Variants in AGAP1 observed in about 807,000 individuals in gnomAD.
The protein encoded by AGAP1 is arf-GAP with GTPase, ANK repeat and PH domain-containing protein 1.
Under a neutral mutation model 105.3 loss-of-function variants are expected in AGAP1, and 29 were observed. That is an observed-to-expected ratio of 0.28 (90% CI 0.21 to 0.38). AGAP1 has a LOEUF of 0.38. Ranked by LOEUF, AGAP1 falls within the 10% of genes least tolerant of loss-of-function variation. The pLI, the probability that AGAP1 is intolerant of heterozygous loss-of-function variation, is 1.00. For missense variants in AGAP1, 998 were observed against 1,165.1 expected, an observed-to-expected ratio of 0.86 and a Z score of 2.09; for synonymous variants, 509 against 485.9, an observed-to-expected ratio of 1.05 and a Z score of -0.63.
chr2:235,636,598 A>T (rs1575012516), intron 1 of AGAP1, among the ~76,000 whole-genome samples: 1 of 151,814 alleles, frequency 6.6e-6, no homozygotes, highest in Non-Finnish European at 1.5e-5. Context: ...TCACTTCTGG[A>T]CCCTCCACAT....
rs191154586 is a variant in AGAP1 at position 235,725,475 on chromosome 2, G to A, written c.310+7831G>A. Among the ~76,000 whole-genome samples, 2 of 151,352 alleles carry A rather than the reference G, an allele frequency of 1.3e-5. No homozygotes were observed. The highest frequency in any genetic ancestry group is 4.9e-5 in the African/African-American group (2 of 41,168). On this transcript the variant is annotated intron_variant, in intron 3 of 17. Coordinates refer to ENST00000304032, the MANE Select transcript of AGAP1 (RefSeq NM_001037131.3). The surrounding 1 kb of genome is among the most constrained non-coding windows in gnomAD (Gnocchi z 5.7). ...CCAGATGTTAGAGTTTATTTCTAAA[G>A]CTGTTCTTGGGTGCTGTTTAATGTT... is the stretch of plus-strand genomic sequence containing the variant.
intron 13 of AGAP1, among the ~76,000 whole-genome samples, chr2:236,034,513 T>C (rs2057320811): frequency 6.6e-6 from 1 of 151,972 alleles, no homozygotes; most frequent in East Asian, 1.9e-4. Flanking sequence ...GGGATAAAAT[T>C]CCTGAGCAAC....
intron 1 of AGAP1, among the ~76,000 whole-genome samples, chr2:235,676,052 A>G (rs182224494): frequency 6.6e-6 from 1 of 152,328 alleles, no homozygotes; most frequent in Admixed American, 6.5e-5. Flanking sequence ...TAATGCATTA[A>G]CAAACATATA....
In AGAP1 at chr2:235,989,292, A is replaced by G. The variant is rs1329816382; in HGVS notation, c.1645+20669A>G. 6.6e-6 allele frequency among the ~76,000 whole-genome samples: 1 copy of G among 152,200 alleles called. No homozygotes were observed. The highest frequency in any genetic ancestry group is 2.4e-5 in the African/African-American group (1 of 41,468). On this transcript the variant is annotated intron_variant, in intron 13 of 17. Coordinates refer to ENST00000304032, the MANE Select transcript of AGAP1 (RefSeq NM_001037131.3). This position sits in a 1 kb window ranked among gnomAD's most constrained non-coding sequence, Gnocchi z 4.4. ...GTCGCTGCTGCGTGTGGCTTCACCC[A>G]GCTCCTCTGCCCATCTGGTGACTTT... is the stretch of plus-strand genomic sequence containing the variant.
In AGAP1 at chr2:236,089,380, G is replaced by GAAA. The variant is rs1356040049; in HGVS notation, c.2115-30811_2115-30810insAAA. Among the ~76,000 whole-genome samples, 1 of 152,228 alleles carries GAAA rather than the reference G, an allele frequency of 6.6e-6. No individual in the cohort carries two copies. ...TGCCTCTCAGTCTCCCAGTTGCAAA[G>GAAA]ATGCCATCCCAGGTCAAGCTGAGGT... is the stretch of plus-strand genomic sequence containing the variant. On this transcript the variant is annotated intron_variant, in intron 16 of 17. Coordinates refer to ENST00000304032, the MANE Select transcript of AGAP1 (RefSeq NM_001037131.3). This position sits in a 1 kb window ranked among gnomAD's most constrained non-coding sequence, Gnocchi z 5.6.
At chr2:236,107,277 C>A (rs962285721) in intron 16 of AGAP1, among the ~76,000 whole-genome samples, 1 of 152,212 alleles carries the variant, frequency 6.6e-6, no homozygotes, top group Admixed American at 6.5e-5. Flanking sequence ...GGTCCCTCCT[C>A]CTCTGTGCTG....
intron 1 of AGAP1, among the ~76,000 whole-genome samples, chr2:235,668,518 G>C (rs965456286): frequency 1.5e-4 from 23 of 152,358 alleles, no homozygotes; most frequent in African/African-American, 5.3e-4. Flanking sequence ...TAGGCCTGGA[G>C]AAGGTCGTGT....
chr2:235,700,107 C>G lies in AGAP1; in HGVS notation c.164-9072C>G, dbSNP rs73124457. Reference sequence around the variant, plus strand: ...TGCTTGCAACAAAACTTGTTATCACCTTGGTTTATAACAGTGAGATGGAAA... The same window carrying G: ...TGCTTGCAACAAAACTTGTTATCACGTTGGTTTATAACAGTGAGATGGAAA... On this transcript the variant is annotated intron_variant, in intron 1 of 17. Coordinates refer to ENST00000304032, the MANE Select transcript of AGAP1 (RefSeq NM_001037131.3). The surrounding 1 kb of genome is among the most constrained non-coding windows in gnomAD (Gnocchi z 6.1). 0.058 allele frequency among the ~76,000 whole-genome samples: 8,831 copies of G among 152,234 alleles called. 867 individuals carry two copies. Among genetic ancestry groups the G allele is most frequent in the African/African-American group, 0.2 (8,347 of 41,490 alleles).
intron 13 of AGAP1, 56 bp downstream of exon 13, chr2:235,968,679 AT>A: frequency 6.5e-7 from 1 of 1,541,438 alleles, no homozygotes; most frequent in Non-Finnish European, 8.8e-7. Flanking sequence ...ATTCTCTGTT[AT>A]TTTTCAAATG....
At position 235,957,068 on chromosome 2, in the gene AGAP1, A is replaced by C. The variant is rs951297440; in HGVS notation, c.1484-11394A>C. On this transcript the variant is annotated intron_variant, in intron 12 of 17. Transcript: ENST00000304032. This position sits in a 1 kb window ranked among gnomAD's most constrained non-coding sequence, Gnocchi z 4.6. The stretch of plus-strand genomic sequence containing the variant: ...TAACAGGTGCAATGCAGTAGTTTTT[A>C]GTATCTCACAGATACCTGCAACCAT... Among the ~76,000 whole-genome samples the C allele has an allele frequency of 6.6e-6, 1 of 152,234 alleles. No homozygotes were observed. Among genetic ancestry groups the C allele is most frequent in the Non-Finnish European group, 1.5e-5 (1 of 68,042 alleles).
At chr2:236,010,424 T>A (rs1261605647) in intron 13 of AGAP1, among the ~76,000 whole-genome samples, 1 of 152,222 alleles carries the variant, frequency 6.6e-6, no homozygotes, top group African/African-American at 2.4e-5. Context: ...GACACAAGAT[T>A]TGCTGTTTAT....
intron 9 of AGAP1, among the ~76,000 whole-genome samples, chr2:235,825,998 A>C (rs995508892): frequency 2.6e-5 from 4 of 152,040 alleles, no homozygotes; most frequent in Admixed American, 2.6e-4. Context: ...CTATGTACTC[A>C]AAAAATTAAA....
intron 1 of AGAP1, among the ~76,000 whole-genome samples, chr2:235,647,087 G>C (rs1272421579): frequency 6.8e-6 from 1 of 148,042 alleles, no homozygotes; most frequent in Non-Finnish European, 1.5e-5. Context: ...AGTGAACCGA[G>C]ATTGCGCCAC....
rs1334460845 is a variant in AGAP1, at chr2:236,062,994, A to C, written c.2114+13713A>C. ...TTTTTTAAGAGATGGGGGTCTCACT[A>C]TGTTGCCCAGGCAGGGATCCTGGCC... On this transcript the variant is annotated intron_variant, in intron 16 of 17. Transcript: ENST00000304032. The surrounding 1 kb of genome is among the most constrained non-coding windows in gnomAD (Gnocchi z 4.2). Among the ~76,000 whole-genome samples the C allele has an allele frequency of 6.6e-6, 1 of 151,854 alleles. No homozygotes were observed. The highest frequency in any genetic ancestry group is 1.5e-5 in the Non-Finnish European group (1 of 67,964).
chr2:235,661,410 G>A (rs887735172), intron 1 of AGAP1, among the ~76,000 whole-genome samples: 1 of 152,036 alleles, frequency 6.6e-6, no homozygotes, highest in Non-Finnish European at 1.5e-5. Context: ...GGGTGTGGGC[G>A]GGAGGCAGGA....
At chr2:235,616,899 C>T (rs1380952709) in intron 1 of AGAP1, among the ~76,000 whole-genome samples, 1 of 151,950 alleles carries the variant, frequency 6.6e-6, no homozygotes, top group Non-Finnish European at 1.5e-5. Context: ...TTTTTAAATG[C>T]CATTATTAAC....
At chr2:235,852,881 C>T in intron 9 of AGAP1, 1 of 1,352,724 alleles carries the variant, frequency 7.4e-7, no homozygotes, top group Non-Finnish European at 9.6e-7. Flanking sequence ...GAGGTGAACT[C>T]CAGATCGGCC....
At chr2:236,033,607 AGT>A (rs1193113645) in intron 13 of AGAP1, among the ~76,000 whole-genome samples, 3 of 152,242 alleles carry the variant, frequency 2.0e-5, no homozygotes, top group African/African-American at 7.2e-5. Flanking sequence ...CATCTGCCTG[AGT>A]GTGTGCCCGT....
chr2:235,702,146 G>A (rs377313551), intron 1 of AGAP1, among the ~76,000 whole-genome samples: 1 of 152,146 alleles, frequency 6.6e-6, no homozygotes, highest in Non-Finnish European at 1.5e-5. Flanking sequence ...AGAATTGGGG[G>A]CTGGGCTGGG....
Sources: gnomAD v4.1 joint callset for allele counts (sites outside exome capture counted in the v4.1 genomes callset) on GRCh38, gnomAD v4.1.1 for gene constraint, Gnocchi (gnomAD v3.1) non-coding constraint, MANE v1.5 for transcripts, NCBI Gene and HGNC (gene_info 2026-07-23, HGNC 2026-07-21) for gene names.